PDE10A: variants seen among roughly 807,000 people sequenced by gnomAD.
PDE10A encodes cAMP and cAMP-inhibited cGMP 3',5'-cyclic phosphodiesterase 10A.
In PDE10A, 39 loss-of-function variants were observed where a neutral mutation model predicts 97.7. The ratio of observed to expected loss-of-function variants is 0.40; its 90% confidence interval spans 0.31 to 0.52. The LOEUF (loss-of-function observed/expected upper bound fraction) is 0.52. Among genes scored for constraint, PDE10A ranks in the 20% least tolerant of loss-of-function variants. The probability of loss-of-function intolerance (pLI) is 0.56; values close to 1 mark genes in which losing one functional copy is unlikely to be tolerated. For synonymous variants in PDE10A, 371 were observed against 376.8 expected (o/e 0.98, Z 0.18); for missense variants, 731 against 1,047.8 (o/e 0.70, Z 4.17).
At chr6:165,522,111 G>T (rs951883961) in intron 2 of PDE10A, among the ~76,000 whole-genome samples, 3 of 152,050 alleles carry the variant, frequency 2.0e-5, no homozygotes, top group African/African-American at 7.2e-5. Context: ...ATTTGGCCAT[G>T]AACAGACCAA....
rs1781151750 is a variant in PDE10A, at chr6:165,328,193, A to G, written c.*4832T>C. 1 of 152,216 alleles carries G rather than the reference A, an allele frequency of 6.6e-6. No homozygotes were observed. Among genetic ancestry groups the G allele is most frequent in the Non-Finnish European group, 1.5e-5 (1 of 68,044 alleles). The allele number at this position is 152,216 out of a possible 1,614,324, so 9.4% of individuals were successfully genotyped here. On this transcript the variant is annotated 3_prime_UTR_variant, in exon 22 of 22. Transcript: ENST00000539869. ...GCATATACACCATACAACAGATCAT[A>G]TGGAAAATAATATTCCTATATGTCA...
intron 1 of PDE10A, among the ~76,000 whole-genome samples, chr6:165,628,688 T>C (rs1788497043): frequency 6.6e-6 from 1 of 152,186 alleles, no homozygotes; most frequent in Admixed American, 6.5e-5. Flanking sequence ...TAACTTGTTC[T>C]GATTTGGAAG....
intron 3 of PDE10A, among the ~76,000 whole-genome samples, chr6:165,471,376 T>C (rs912493459): frequency 2.0e-5 from 3 of 152,178 alleles, no homozygotes; most frequent in African/African-American, 4.8e-5. Context: ...ACTATCTGTA[T>C]GTGGATGGTT....
At chr6:165,577,029 C>A (rs1562595990) in intron 1 of PDE10A, among the ~76,000 whole-genome samples, 1 of 152,238 alleles carries the variant, frequency 6.6e-6, no homozygotes, top group Non-Finnish European at 1.5e-5. Flanking sequence ...GATCTTGCCA[C>A]CATCAAAACA....
At chr6:165,689,240 G>T (rs75168046) in intron 1 of PDE10A, among the ~76,000 whole-genome samples, 5,174 of 152,286 alleles carry the variant, frequency 0.034, 301 homozygotes, top group African/African-American at 0.12. Context: ...CTTTAAAGTG[G>T]ATAAAACGAC....
chr6:165,734,318 G>A (rs887000778), intron 1 of PDE10A, among the ~76,000 whole-genome samples: 8 of 152,142 alleles, frequency 5.3e-5, no homozygotes, highest in African/African-American at 1.7e-4. Flanking sequence ...GCCACCACCC[G>A]AGCCACACAC....
Position 165,543,432 on chromosome 6 carries a change from G to T in PDE10A, c.994+8C>A, listed in dbSNP as rs750689504. 6.2e-7 allele frequency: 1 copy of T among 1,610,362 alleles called. No individual in the cohort carries two copies. The highest frequency in any genetic ancestry group is 1.1e-5 in the South Asian group (1 of 90,314). On this transcript the variant is annotated splice_region_variant and intron_variant, in intron 2 of 21. Coordinates refer to ENST00000539869, the MANE Select transcript of PDE10A (RefSeq NM_001385079.1). ...CTGGTTTAAAATGAGATCCACAAGA[G>T]ACCTTACCTTCTGATTTGTTGTTCT...
At chr6:165,440,339 C>T (rs566276966) in intron 5 of PDE10A, among the ~76,000 whole-genome samples, 5 of 152,324 alleles carry the variant, frequency 3.3e-5, no homozygotes, top group South Asian at 2.1e-4. Context: ...TGTATACATA[C>T]TGAAGGTAAA....
At chr6:165,801,693 T>C (rs1397269766) in intron 1 of PDE10A, among the ~76,000 whole-genome samples, 1 of 152,248 alleles carries the variant, frequency 6.6e-6, no homozygotes, top group Non-Finnish European at 1.5e-5. Context: ...ATGTTTCTAG[T>C]TAATTCTCAG....
chr6:165,506,175 G>A (rs1399546217), intron 2 of PDE10A, among the ~76,000 whole-genome samples: 1 of 152,000 alleles, frequency 6.6e-6, no homozygotes, highest in East Asian at 1.9e-4. Flanking sequence ...TTATATTGCA[G>A]ATTAATTTTG....
chr6:165,590,463 A>G (rs1485044436), intron 1 of PDE10A, among the ~76,000 whole-genome samples: 1 of 152,218 alleles, frequency 6.6e-6, no homozygotes, highest in Non-Finnish European at 1.5e-5. Flanking sequence ...CAGCAAACAT[A>G]AAGAGTATGT....
chr6:165,765,172 A>G (rs1295899767), intron 1 of PDE10A, among the ~76,000 whole-genome samples: 1 of 152,262 alleles, frequency 6.6e-6, no homozygotes, highest in Non-Finnish European at 1.5e-5. Context: ...CCTGAGCTAG[A>G]CATAAAGGTT....
rs567072457 is a variant in PDE10A, at chr6:165,492,086, T to G, written c.995-9743A>C. Among the ~76,000 whole-genome samples the G allele has an allele frequency of 6.6e-5, 10 of 152,218 alleles. No individual in the cohort carries two copies. In the East Asian group the frequency reaches 1.9e-3, roughly 29 times the overall value. ...TTCAAGGCTACTATGAACACCCTTA[T>G]GCACATAAACTGGGAAATCTAGAGG... On this transcript the variant is annotated intron_variant, in intron 2 of 21. Coordinates refer to ENST00000539869, the MANE Select transcript of PDE10A (RefSeq NM_001385079.1).
intron 1 of PDE10A, among the ~76,000 whole-genome samples, chr6:165,743,824 T>G (rs781051081): frequency 3.2e-4 from 48 of 152,252 alleles, no homozygotes; most frequent in Non-Finnish European, 1.0e-4. Context: ...AGTGGTACTA[T>G]CTTCGTTTTG....
chr6:165,805,177 G>A (rs1562745426), intron 1 of PDE10A, among the ~76,000 whole-genome samples: 3 of 152,022 alleles, frequency 2.0e-5, no homozygotes, highest in Non-Finnish European at 4.4e-5. Flanking sequence ...TGGGACGCGC[G>A]GTTCTTCCTC....
intron 2 of PDE10A, among the ~76,000 whole-genome samples, chr6:165,533,555 A>G (rs1159434383): frequency 6.6e-6 from 1 of 152,182 alleles, no homozygotes; most frequent in Non-Finnish European, 1.5e-5. Context: ...TTGTTCTCCA[A>G]TTATACATTC....
intron 1 of PDE10A, among the ~76,000 whole-genome samples, chr6:165,683,653 T>C (rs1187338382): frequency 6.6e-6 from 1 of 152,120 alleles, no homozygotes; most frequent in Non-Finnish European, 1.5e-5. Flanking sequence ...TCCCTGACCG[T>C]GTGAGGTAGG....
chr6:165,587,851 T>C (rs777389352), intron 1 of PDE10A, among the ~76,000 whole-genome samples: 6 of 152,184 alleles, frequency 3.9e-5, no homozygotes, highest in Non-Finnish European at 5.9e-5. Context: ...AAACACCTCA[T>C]AAAGGTCCCT....
chr6:165,349,441 T>C (rs1168331538), intron 18 of PDE10A, among the ~76,000 whole-genome samples: 6 of 152,080 alleles, frequency 3.9e-5, no homozygotes, highest in Admixed American at 3.9e-4. Flanking sequence ...AGAGAGATGA[T>C]TGAGGGTATC....
Sources: allele counts gnomAD v4.1 joint callset (sites outside exome capture counted in the v4.1 genomes callset), GRCh38; gene constraint gnomAD v4.1.1; transcripts MANE v1.5; gene names NCBI Gene and HGNC (gene_info 2026-07-23, HGNC 2026-07-21).